Variants in BTN3A2 observed in about 807,000 individuals in gnomAD.
The protein encoded by BTN3A2 is butyrophilin subfamily 3 member A2, also known as butyrophilin protein.
Under a neutral mutation model 37.6 loss-of-function variants are expected in BTN3A2, and 25 were observed. The observed-to-expected ratio is 0.66, with a 90% CI of 0.48 to 0.93. The LOEUF (loss-of-function observed/expected upper bound fraction) is 0.93. Among genes scored for constraint, BTN3A2 ranks in the 40% least tolerant of loss-of-function variants. The pLI, the probability that BTN3A2 is intolerant of heterozygous loss-of-function variation, is 0.00. For synonymous variants in BTN3A2, 122 were observed against 159.4 expected (o/e 0.77, Z 1.77); for missense variants, 266 against 410.9 (o/e 0.65, Z 3.05).
In BTN3A2 at chr6:26,365,220, G is replaced by A; in HGVS notation, c.-199G>A. On this transcript the variant is annotated 5_prime_UTR_variant, in exon 1 of 11. Transcript: ENST00000377708. ...AGCGACTCTTACTGTTTCTCATGGT[G>A]AGAAGACAATATTTGCTTTCTCTTT... 1 of 1,296,274 alleles carries A rather than the reference G, an allele frequency of 7.7e-7. No individual in the cohort carries two copies. The highest frequency in any genetic ancestry group is 1.1e-6 in the Non-Finnish European group (1 of 936,400). The allele number at this position is 1,296,274 out of a possible 1,614,324, so 80.3% of individuals were successfully genotyped here. A position where few individuals can be genotyped will look rare whatever the true frequency, so the allele number is the denominator to read the frequency against.
At chr6:26,374,507 T>C in intron 9 of BTN3A2, 134 bp downstream of exon 9, 1 of 1,016,304 alleles carries the variant, frequency 9.8e-7, no homozygotes, top group Non-Finnish European at 1.5e-6. Flanking sequence ...CCTCCGCTTT[T>C]CTGGAGCCTC....
chr6:26,371,738 G>A (rs1157355092), intron 5 of BTN3A2, among the ~76,000 whole-genome samples: 1 of 151,908 alleles, frequency 6.6e-6, no homozygotes, highest in Non-Finnish European at 1.5e-5. Context: ...GAGTGCAGTG[G>A]TGCAATCTCA....
chr6:26,373,586 T>TCC, intron 8 of BTN3A2, 173 bp downstream of exon 8: 2 of 174,170 alleles, frequency 1.1e-5, no homozygotes, highest in Non-Finnish European at 1.0e-5. Flanking sequence ...TTTTTCTCTC[T>TCC]AGAAAAAAAA....
In BTN3A2 at chr6:26,378,228, C is replaced by T. The variant is rs1429644776; in HGVS notation, c.*2466C>T. The T allele has an allele frequency of 2.0e-5, 3 of 152,214 alleles. No homozygotes were observed. The highest frequency in any genetic ancestry group is 2.1e-4 in the South Asian group (1 of 4,834). The allele number at this position is 152,214 out of a possible 1,614,324, so 9.4% of individuals were successfully genotyped here. A position where few individuals can be genotyped will look rare whatever the true frequency, so the allele number is the denominator to read the frequency against. ...GGAAAACTGCTCCTCATTATCATCA[C>T]TATTATTGCTCACCACTGTATCCCC... On this transcript the variant is annotated 3_prime_UTR_variant, in exon 11 of 11. Transcript: ENST00000377708.
intron 8 of BTN3A2, 135 bp downstream of exon 8, chr6:26,373,548 G>T: frequency 2.4e-6 from 2 of 821,454 alleles, no homozygotes; most frequent in South Asian, 3.0e-5. Context: ...GAAAACAAGT[G>T]TGGCTCTTTG....
rs934089066 is a variant in BTN3A2, at chr6:26,370,668, G to A, written c.715+65G>A. The A allele has an allele frequency of 3.8e-6, 6 of 1,597,264 alleles. No individual in the cohort carries two copies. The Admixed American group carries it at 5.1e-5, about 13-fold the overall frequency. ...GTGGCAGTTGAATGAAGGGGGATGTGTTAATATCTGTGGTCGACCTGGGTC... is the reference window on the plus strand; with the variant it reads ...GTGGCAGTTGAATGAAGGGGGATGTATTAATATCTGTGGTCGACCTGGGTC... On this transcript the variant is annotated intron_variant, in intron 5 of 10. Coordinates refer to ENST00000377708, the MANE Select transcript of BTN3A2 (RefSeq NM_007047.5).
At chr6:26,367,324 G>T (rs767378100) in intron 1 of BTN3A2, among the ~76,000 whole-genome samples, 10 of 152,182 alleles carry the variant, frequency 6.6e-5, no homozygotes, top group Non-Finnish European at 1.2e-4. Context: ...TCCCACAGAG[G>T]CTTCTCTCTG....
chr6:26,370,843 G>A (rs946360654), intron 5 of BTN3A2, among the ~76,000 whole-genome samples: 7 of 151,964 alleles, frequency 4.6e-5, no homozygotes, highest in Non-Finnish European at 8.8e-5. Context: ...GGGAATTGGA[G>A]GAAAAACATT....
rs750198408 is a variant in BTN3A2 at position 26,373,237 on chromosome 6, C to CTTTTTTTTTTT, written c.917-24_917-14dup. The CTTTTTTTTTTT allele has an allele frequency of 1.0e-4, 142 of 1,352,626 alleles. 1 individual carries two copies. The highest frequency in any genetic ancestry group is 2.3e-4 in the South Asian group (17 of 75,512). The allele number at this position is 1,352,626 out of a possible 1,614,324, so 83.8% of individuals were successfully genotyped here. A position where few individuals can be genotyped will look rare whatever the true frequency, so the allele number is the denominator to read the frequency against. ...ACCAACCTCACCCATAACAGTTCAT[C>CTTTTTTTTTTT]TTTTTTTTTTTTTTTTTTTTTTTTT... On this transcript the variant is annotated intron_variant, in intron 6 of 10. Transcript: ENST00000377708.
chr6:26,377,372 T>G lies in BTN3A2; in HGVS notation c.*1610T>G. The G allele has an allele frequency of 1.8e-6, 1 of 559,980 alleles. No homozygotes were observed. The highest frequency in any genetic ancestry group is 3.2e-6 in the Non-Finnish European group (1 of 309,110). 34.7% of individuals were successfully genotyped at this position (559,980 alleles called of 1,614,324 possible). A position where few individuals can be genotyped will look rare whatever the true frequency, so the allele number is the denominator to read the frequency against. On this transcript the variant is annotated 3_prime_UTR_variant, in exon 11 of 11. Coordinates refer to ENST00000377708, the MANE Select transcript of BTN3A2 (RefSeq NM_007047.5). ...TGGTGCCACCTTATTGGCCCCTTTA[T>G]ACAGATAAGGAAACTGGGGTGTAGA...
intron 1 of BTN3A2, among the ~76,000 whole-genome samples, chr6:26,366,154 C>G (rs1249274168): frequency 6.6e-6 from 1 of 152,018 alleles, no homozygotes; most frequent in Non-Finnish European, 1.5e-5. Context: ...ACTCAGAAAG[C>G]CGCTCCTAAA....
intron 1 of BTN3A2, among the ~76,000 whole-genome samples, chr6:26,366,990 C>T (rs12199613): frequency 0.38 from 57,303 of 152,062 alleles, 11,122 homozygotes; most frequent in African/African-American, 0.42. Flanking sequence ...AAGGCCAAAG[C>T]GTCCTTTCAC....
In BTN3A2 at chr6:26,374,343, G is replaced by A. The variant is rs115820857; in HGVS notation, c.981G>A (p.Ser327=). The change falls in exon 9 of 11, where the codon TCG becomes TCA. Residue 327 remains serine (S), a synonymous_variant. Coordinates refer to ENST00000377708, the MANE Select transcript of BTN3A2 (RefSeq NM_007047.5). ...TCATTGTAGGTGGAGAGGAGTCTTCGTCCGATACCAATAAGTCAGCCTGAT... is the reference window on the plus strand; with the variant it reads ...TCATTGTAGGTGGAGAGGAGTCTTCATCCGATACCAATAAGTCAGCCTGAT... ...IQYLTRGEES[S]SDTNKSA is the part of the protein sequence containing the mutation. 5,320 of 1,611,670 alleles carry A rather than the reference G, an allele frequency of 3.3e-3. 77 individuals are homozygous for A. In the African/African-American group the frequency reaches 0.042, roughly 13 times the overall value.
rs545900370 is a variant in BTN3A2, at chr6:26,375,414, C to CG, written c.*35-383_*35-382insG. ...ACGAGGGAGCTTCCTGAGAAGAGTC[C>CG]TCGGGCCTTGTTAGAGCACCACCAG... On this transcript the variant is annotated intron_variant, in intron 10 of 10. Transcript: ENST00000377708. 1.3e-3 allele frequency: 598 copies of CG among 453,010 alleles called. 3 individuals carry two copies. Among genetic ancestry groups the CG allele is most frequent in the African/African-American group, 9.5e-3 (465 of 48,948 alleles). The allele number at this position is 453,010 out of a possible 1,614,324, so 28.1% of individuals were successfully genotyped here.
rs909594899 is a variant in BTN3A2 at position 26,376,966 on chromosome 6, A to T, written c.*1204A>T. ...GTCATCCTGGACTATGAGACTGGAC[A>T]TATCTCGTTCTACAATGCCACGGAT... On this transcript the variant is annotated 3_prime_UTR_variant, in exon 11 of 11. Coordinates refer to ENST00000377708, the MANE Select transcript of BTN3A2 (RefSeq NM_007047.5). The T allele has an allele frequency of 1.3e-6, 2 of 1,578,706 alleles. No individual in the cohort carries two copies. Among genetic ancestry groups the T allele is most frequent in the Non-Finnish European group, 1.7e-6 (2 of 1,148,744 alleles).
chr6:26,370,462 G>A lies in BTN3A2; in HGVS notation c.574G>A (p.Ala192Thr), dbSNP rs1220657079. 2 of 1,614,130 alleles carry A rather than the reference G, an allele frequency of 1.2e-6. No individual in the cohort carries two copies. Among genetic ancestry groups the A allele is most frequent in the Non-Finnish European group, 1.7e-6 (2 of 1,180,056 alleles). The change falls in exon 5 of 11, where the codon GCA becomes ACA. Residue 192 changes from alanine (A) to threonine (T), a missense_variant. Around this residue, in one of 3 missense-constraint regions of BTN3A2, gnomAD observed 204 missense variants for 232.6 expected, o/e 0.88. Coordinates refer to ENST00000377708, the MANE Select transcript of BTN3A2 (RefSeq NM_007047.5). ...GGGAGAGAACATCCCAGCTGTGGAA[G>A]CACCTGTGGTTGCAGATGGAGTGGG... ...AKGENIPAVE[A>T]PVVADGVGLY...
chr6:26,376,210 C>G lies in BTN3A2; in HGVS notation c.*448C>G, dbSNP rs1760696173. On this transcript the variant is annotated 3_prime_UTR_variant, in exon 11 of 11. Transcript: ENST00000377708. Reference sequence around the variant, plus strand: ...CCTGGGAGACAGAGCGAGACTCTGTCTCAAGAAAAAAAAAAAAAAAAAAAA... The same window carrying G: ...CCTGGGAGACAGAGCGAGACTCTGTGTCAAGAAAAAAAAAAAAAAAAAAAA... 1 of 59,240 alleles carries G rather than the reference C, an allele frequency of 1.7e-5. No homozygotes were observed. Among genetic ancestry groups the G allele is most frequent in the East Asian group, 3.9e-4 (1 of 2,596 alleles). 3.7% of individuals were successfully genotyped at this position (59,240 alleles called of 1,614,324 possible). A position where few individuals can be genotyped will look rare whatever the true frequency, so the allele number is the denominator to read the frequency against.
chr6:26,375,563 C>T, intron 10 of BTN3A2: 7 of 1,401,740 alleles, frequency 5.0e-6, no homozygotes, highest in South Asian at 1.3e-5. Context: ...CAAGGGAGCC[C>T]AGTGGCACTG....
rs1255444677 is a variant in BTN3A2, at chr6:26,376,388, C to T, written c.*626C>T. On this transcript the variant is annotated 3_prime_UTR_variant, in exon 11 of 11. Coordinates refer to ENST00000377708, the MANE Select transcript of BTN3A2 (RefSeq NM_007047.5). ...CAGATACTGACCTTACTTTCATTTC[C>T]CCTCTGGTCACTAGACCCCTGGGGC... 2 of 391,730 alleles carry T rather than the reference C, an allele frequency of 5.1e-6. No individual in the cohort carries two copies. The highest frequency in any genetic ancestry group is 8.7e-6 in the Non-Finnish European group (2 of 230,398). The allele number at this position is 391,730 out of a possible 1,614,324, so 24.3% of individuals were successfully genotyped here. A position where few individuals can be genotyped will look rare whatever the true frequency, so the allele number is the denominator to read the frequency against.
Sources: allele counts gnomAD v4.1 joint callset (sites outside exome capture counted in the v4.1 genomes callset), GRCh38; gene constraint gnomAD v4.1.1; regional missense constraint gnomAD v4.1.1; transcripts MANE v1.5; gene names NCBI Gene and HGNC (gene_info 2026-07-23, HGNC 2026-07-21).